Variants in RP1 observed in about 807,000 individuals in gnomAD.
RP1 encodes the protein RP1 axonemal microtubule associated, also known as oxygen-regulated protein 1.
Under a neutral mutation model 14.8 loss-of-function variants are expected in RP1, and 16 were observed. The observed-to-expected ratio is 1.08, with a 90% CI of 0.73 to 1.65. The LOEUF (loss-of-function observed/expected upper bound fraction) is 1.65. Among genes scored for constraint, RP1 ranks in the 40% most tolerant of loss-of-function variants. The pLI, the probability that RP1 is intolerant of heterozygous loss-of-function variation, is 0.00. For missense variants in RP1, 2,631 were observed against 2,535.0 expected (o/e 1.04, Z -0.81); for synonymous variants, 876 against 883.6 (o/e 0.99, Z 0.15).
Position 54,627,967 on chromosome 8 carries a change from TAGAA to T in RP1, c.4089_4092del (p.Arg1364ValfsTer8). 1 of 1,614,082 alleles carries T rather than the reference TAGAA, an allele frequency of 6.2e-7. No individual in the cohort carries two copies. The highest frequency in any genetic ancestry group is 8.5e-7 in the Non-Finnish European group (1 of 1,179,970). ...GATAACTTGGATTCAACTGAAGAGTTAGAAAGAGGTGATGACATTCAGAAAGATC... is the reference window on the plus strand; with the variant it reads ...GATAACTTGGATTCAACTGAAGAGTTAGAGGTGATGACATTCAGAAAGATC... On this transcript the variant is annotated frameshift_variant, in exon 4 of 4. Transcript: ENST00000220676. LOFTEE classifies it low-confidence loss of function (END_TRUNC).
intron 27 of RP1, among the ~76,000 whole-genome samples, chr8:54,863,367 G>C (rs1812394065): frequency 6.6e-6 from 1 of 152,102 alleles, no homozygotes; most frequent in African/African-American, 2.4e-5. Context: ...ATACCATCTA[G>C]GTTTGTGTAA....
Position 54,650,318 on chromosome 8 carries a change from C to T in RP1, c.951+1170C>T, listed in dbSNP as rs79413271. Among the ~76,000 whole-genome samples, 1,245 of 152,216 alleles carry T rather than the reference C, an allele frequency of 8.2e-3. 19 individuals carry two copies. Among genetic ancestry groups the T allele is most frequent in the African/African-American group, 0.027 (1,110 of 41,546 alleles). On this transcript the variant is annotated intron_variant, in intron 4 of 22. Coordinates refer to the RP1 transcript ENST00000636932. Reference sequence around the variant, plus strand: ...TTCATGCCAATTTTGATCACAGTTTCGTTTGTTCTAATGAATTGTTTTCTT... The same window carrying T: ...TTCATGCCAATTTTGATCACAGTTTTGTTTGTTCTAATGAATTGTTTTCTT...
At chr8:54,735,104 C>T (rs919837793) in intron 18 of RP1, among the ~76,000 whole-genome samples, 29 of 152,056 alleles carry the variant, frequency 1.9e-4, no homozygotes, top group Non-Finnish European at 5.9e-5. Flanking sequence ...CTTGCATATA[C>T]TTATAGATGT....
chr8:54,817,990 C>T (rs1313807527), intron 24 of RP1, among the ~76,000 whole-genome samples: 3 of 140,354 alleles, frequency 2.1e-5, no homozygotes, highest in Non-Finnish European at 4.9e-5. Context: ...TATTTCCTGT[C>T]ATAAAACTTG....
chr8:54,689,310 C>A (rs560580464), intron 12 of RP1, among the ~76,000 whole-genome samples: 1 of 152,116 alleles, frequency 6.6e-6, no homozygotes, highest in Non-Finnish European at 1.5e-5. Flanking sequence ...TTATTTCTTT[C>A]TCTTGCCTGA....
intron 12 of RP1, chr8:54,697,017 A>G: frequency 4.2e-6 from 6 of 1,431,154 alleles, no homozygotes; most frequent in Non-Finnish European, 5.8e-6. Flanking sequence ...TGGTTCTTGC[A>G]CCCTTTCCAC....
chr8:54,595,686 T>A (rs925041598), intron 1 of RP1, among the ~76,000 whole-genome samples: 2 of 152,262 alleles, frequency 1.3e-5, no homozygotes, highest in African/African-American at 4.8e-5. Flanking sequence ...CTCGCCTGAT[T>A]ATGCTAAGCA....
intron 8 of RP1, chr8:54,673,968 C>A: frequency 1.4e-6 from 2 of 1,431,518 alleles, no homozygotes; most frequent in South Asian, 1.2e-5. Context: ...GGTCTGATTC[C>A]ATTCTGTTTA....
At chr8:54,840,049 A>T (rs1239036040) in intron 25 of RP1, among the ~76,000 whole-genome samples, 1 of 152,068 alleles carries the variant, frequency 6.6e-6, no homozygotes, top group Non-Finnish European at 1.5e-5. Flanking sequence ...GTCCTAAAAG[A>T]TTTAGAATTT....
At chr8:54,862,685 G>C (rs1812371361) in intron 27 of RP1, among the ~76,000 whole-genome samples, 1 of 152,108 alleles carries the variant, frequency 6.6e-6, no homozygotes. Context: ...TGTGTGGTCA[G>C]AGCTGGTTAC....
At chr8:54,857,201 A>G (rs1433024688) in intron 27 of RP1, 1 of 338,394 alleles carries the variant, frequency 3.0e-6, no homozygotes, top group Non-Finnish European at 5.1e-6. Flanking sequence ...TACAGGTCAT[A>G]TAAAATTCAG....
chr8:54,813,275 C>G (rs187605514), intron 24 of RP1, among the ~76,000 whole-genome samples: 2 of 152,230 alleles, frequency 1.3e-5, no homozygotes, highest in Non-Finnish European at 2.9e-5. Context: ...AGTTAGCATG[C>G]TAGGGAAAGA....
intron 24 of RP1, among the ~76,000 whole-genome samples, chr8:54,808,860 C>T (rs1273514120): frequency 1.3e-5 from 2 of 152,142 alleles, no homozygotes; most frequent in African/African-American, 2.4e-5. Context: ...GGCCACACCC[C>T]GTTCTACCTA....
chr8:54,856,959 T>A (rs1198907958), intron 26 of RP1: 1 of 425,322 alleles, frequency 2.4e-6, no homozygotes, highest in Non-Finnish European at 3.8e-6. Flanking sequence ...GTATCAATAG[T>A]AATACTATTT....
intron 24 of RP1, among the ~76,000 whole-genome samples, chr8:54,815,799 A>C (rs952940946): frequency 1.7e-4 from 26 of 152,144 alleles, no homozygotes; most frequent in Non-Finnish European, 3.1e-4. Context: ...TCTGTTTGCT[A>C]ATGTTAATAA....
At chr8:54,747,199 A>T (rs1179817421) in intron 19 of RP1, among the ~76,000 whole-genome samples, 1 of 152,118 alleles carries the variant, frequency 6.6e-6, no homozygotes, top group African/African-American at 2.4e-5. Flanking sequence ...TCCAGATTTC[A>T]AAGAGAAGCC....
intron 1 of RP1, among the ~76,000 whole-genome samples, chr8:54,569,578 T>A (rs2129292510): frequency 6.6e-6 from 1 of 152,324 alleles, no homozygotes; most frequent in South Asian, 2.1e-4. Flanking sequence ...GAAAAAACAT[T>A]CACTGTCTCT....
chr8:54,822,255 A>G (rs769837966), intron 24 of RP1, among the ~76,000 whole-genome samples: 2 of 152,224 alleles, frequency 1.3e-5, no homozygotes, highest in Non-Finnish European at 2.9e-5. Flanking sequence ...ATTCACTTCT[A>G]TGAAAGAGGT....
chr8:54,648,564 G>T, intron 3 of RP1, among the ~76,000 whole-genome samples: 1 of 151,592 alleles, frequency 6.6e-6, no homozygotes, highest in African/African-American at 2.4e-5. Flanking sequence ...TTTTATTTTG[G>T]AAAAAAGACA....
Sources: allele counts gnomAD v4.1 joint callset (sites outside exome capture counted in the v4.1 genomes callset), GRCh38; gene constraint gnomAD v4.1.1; transcripts MANE v1.5; gene names NCBI Gene and HGNC (gene_info 2026-07-23, HGNC 2026-07-21).